SGK1: variants seen among roughly 807,000 people sequenced by gnomAD.
SGK1 encodes the protein serum/glucocorticoid regulated kinase 1.
In SGK1, 26 loss-of-function variants were observed where a neutral mutation model predicts 64.2. That is an observed-to-expected ratio of 0.40 (90% CI 0.30 to 0.56). The LOEUF (loss-of-function observed/expected upper bound fraction) is 0.56. Among genes scored for constraint, SGK1 ranks in the 20% least tolerant of loss-of-function variants. The pLI is 0.38. For missense variants in SGK1, 519 were observed against 645.6 expected (o/e 0.80, Z 2.12); for synonymous variants, 265 against 239.7 (o/e 1.11, Z -0.98).
chr6:134,262,285 C>T (rs1352619968), intron 1 of SGK1, 137 bp from the exon 2 acceptor site: 6 of 617,566 alleles, frequency 9.7e-6, no homozygotes, highest in East Asian at 5.2e-5. Context: ...ATCTTTCAAA[C>T]TCAACACAAT....
At chr6:134,221,454 T>C (rs2114702628) in intron 2 of SGK1, among the ~76,000 whole-genome samples, 2 of 152,300 alleles carry the variant, frequency 1.3e-5, no homozygotes, top group East Asian at 3.9e-4. Context: ...ACAGTTCTCA[T>C]CTCCTTCAGG....
chr6:134,172,046 C>T, intron 10 of SGK1, 147 bp downstream of exon 10: 1 of 944,446 alleles, frequency 1.1e-6, no homozygotes, highest in Non-Finnish European at 1.6e-6. Flanking sequence ...CATGCTACAT[C>T]AAACAGCAAA....
intron 2 of SGK1, among the ~76,000 whole-genome samples, chr6:134,210,466 C>G (rs992208736): frequency 6.6e-6 from 1 of 152,202 alleles, no homozygotes; most frequent in South Asian, 2.1e-4. Flanking sequence ...TTAGGCAAGA[C>G]GACTAATTTC....
At position 134,220,441 on chromosome 6, in the gene SGK1, T is replaced by C. The variant is rs192795431; in HGVS notation, c.286-13010A>G. On this transcript the variant is annotated intron_variant, in intron 2 of 13. Transcript: ENST00000367858. ...TCTACTGTGGTTAAGAGAGGCCTCC[T>C]TGCATTTATTTTAGAGCGGAGTTGG... 1.1e-3 allele frequency among the ~76,000 whole-genome samples: 171 copies of C among 152,334 alleles called. 1 individual carries two copies. The highest frequency in any genetic ancestry group is 3.9e-3 in the African/African-American group (162 of 41,572).
At chr6:134,170,578 G>A in intron 13 of SGK1, 143 bp from the exon 14 acceptor site, 1 of 761,926 alleles carries the variant, frequency 1.3e-6, no homozygotes, top group Non-Finnish European at 2.1e-6. Flanking sequence ...ATCTCAAAAG[G>A]CTACACACAG....
intron 2 of SGK1, among the ~76,000 whole-genome samples, chr6:134,233,932 T>G (rs1205644316): frequency 6.6e-6 from 1 of 152,172 alleles, no homozygotes; most frequent in African/African-American, 2.4e-5. Flanking sequence ...ATTTTAGTTG[T>G]AGTTATAAAT....
chr6:134,297,197 C>T, intron 1 of SGK1: 1 of 804,764 alleles, frequency 1.2e-6, no homozygotes. Context: ...TATGGATACT[C>T]ACATTCTGTA....
chr6:134,238,100 G>T (rs1776391538), intron 2 of SGK1, among the ~76,000 whole-genome samples: 1 of 152,064 alleles, frequency 6.6e-6, no homozygotes, highest in African/African-American at 2.4e-5. Context: ...GTATCTCTGG[G>T]AAAAGATTGA....
intron 2 of SGK1, among the ~76,000 whole-genome samples, chr6:134,251,409 C>T (rs1776603930): frequency 2.0e-5 from 3 of 152,060 alleles, no homozygotes; most frequent in Non-Finnish European, 4.4e-5. Flanking sequence ...AAGGATTTTA[C>T]TAAAGGAATA....
intron 1 of SGK1, among the ~76,000 whole-genome samples, chr6:134,272,528 C>T (rs986396068): frequency 2.0e-5 from 3 of 146,706 alleles, no homozygotes; most frequent in African/African-American, 7.3e-5. Context: ...TATTAAACAC[C>T]TTGTTCTTGC....
chr6:134,188,532 T>C (rs1255876986), intron 3 of SGK1, among the ~76,000 whole-genome samples: 1 of 152,172 alleles, frequency 6.6e-6, no homozygotes, highest in African/African-American at 2.4e-5. Context: ...TATAGAGATA[T>C]ATACATGTAT....
At chr6:134,270,003 C>A (rs1176903132) in intron 1 of SGK1, among the ~76,000 whole-genome samples, 1 of 147,548 alleles carries the variant, frequency 6.8e-6, no homozygotes, top group Non-Finnish European at 1.5e-5. Context: ...CTCACTGCAA[C>A]CTCCGCCTCC....
chr6:134,269,916 TTCTC>T lies in SGK1; in HGVS notation c.70-7772_70-7769del, dbSNP rs201822447. ...TATGTCATCATCATGTATCTGTCTTTTCTCTCTCTCTTTTTTTTTTTTGAGACGG... is the reference window on the plus strand; with the variant it reads ...TATGTCATCATCATGTATCTGTCTTTTCTCTCTTTTTTTTTTTTGAGACGG... On this transcript the variant is annotated intron_variant, in intron 1 of 13. Coordinates refer to ENST00000367858, the MANE Select transcript of SGK1 (RefSeq NM_001143676.3). 2.0e-5 allele frequency among the ~76,000 whole-genome samples: 3 copies of T among 147,356 alleles called. 1 individual carries two copies. The highest frequency in any genetic ancestry group is 4.9e-4 in the East Asian group (2 of 4,114).
intron 1 of SGK1, among the ~76,000 whole-genome samples, chr6:134,290,287 A>G (rs183346232): frequency 2.0e-3 from 309 of 151,516 alleles, no homozygotes; most frequent in South Asian, 3.6e-3. Flanking sequence ...TCTTGCCACT[A>G]CACTCCAGCC....
At chr6:134,248,450 T>A (rs1227950661) in intron 2 of SGK1, among the ~76,000 whole-genome samples, 4 of 144,138 alleles carry the variant, frequency 2.8e-5, no homozygotes, top group African/African-American at 7.8e-5. Flanking sequence ...TCCGCCTTTT[T>A]TTTTTTTTTT....
intron 2 of SGK1, among the ~76,000 whole-genome samples, chr6:134,207,781 A>C (rs990101129): frequency 6.6e-6 from 1 of 152,238 alleles, no homozygotes; most frequent in African/African-American, 2.4e-5. Flanking sequence ...TTATTAGCAA[A>C]TTTATCAGTG....
At chr6:134,204,959 T>G (rs1023922719) in intron 3 of SGK1, among the ~76,000 whole-genome samples, 1 of 113,788 alleles carries the variant, frequency 8.8e-6, no homozygotes, top group Non-Finnish European at 2.1e-5. Context: ...CTCCTTTTCT[T>G]TCTTTCTTTC....
intron 2 of SGK1, among the ~76,000 whole-genome samples, chr6:134,226,617 C>T (rs1776184706): frequency 6.6e-6 from 1 of 151,432 alleles, no homozygotes; most frequent in African/African-American, 2.4e-5. Flanking sequence ...TCGCCTAAGC[C>T]TCGGAAGTTG....
intron 1 of SGK1, among the ~76,000 whole-genome samples, chr6:134,284,734 T>G (rs1777155513): frequency 6.6e-6 from 1 of 152,206 alleles, no homozygotes; most frequent in African/African-American, 2.4e-5. Context: ...TCTGCCTGCC[T>G]TGGCCTCCCA....
Sources: allele counts gnomAD v4.1 joint callset (sites outside exome capture counted in the v4.1 genomes callset), GRCh38; gene constraint gnomAD v4.1.1; transcripts MANE v1.5; gene names NCBI Gene and HGNC (gene_info 2026-07-23, HGNC 2026-07-21).